Variants in DNAH11 observed in about 807,000 individuals in gnomAD.
DNAH11 encodes the protein dynein axonemal heavy chain 11.
DNAH11 carries 442 observed loss-of-function variants against 526.0 expected under a neutral mutation model. The ratio of observed to expected loss-of-function variants is 0.84; its 90% CI spans 0.78 to 0.91. The LOEUF (loss-of-function observed/expected upper bound fraction) is 0.91, where lower values mean the gene tolerates loss of function less well. DNAH11 is among the 40% of genes least tolerant of loss of function. DNAH11 has a pLI of 0.00. For synonymous variants in DNAH11, 2,461 were observed against 1,935.9 expected (o/e 1.27, Z -7.12); for missense variants, 6,989 against 5,448.7 (o/e 1.28, Z -8.90).
At position 21,671,095 on chromosome 7, in the gene DNAH11, G is replaced by A. The variant is rs577999762; in HGVS notation, c.5329-10451G>A. 8.5e-5 allele frequency among the ~76,000 whole-genome samples: 13 copies of A among 152,290 alleles called. No homozygotes were observed. In the South Asian group the frequency reaches 1.0e-3, roughly 12 times the overall value. On this transcript the variant is annotated intron_variant, in intron 30 of 81. Transcript: ENST00000409508. ...GCTTATGTTAGACATCACTGGTGAT[G>A]CATCTGGGCTTGAAGTTTTCTTTAT...
chr7:21,889,797 G>C (rs894502094), intron 76 of DNAH11, among the ~76,000 whole-genome samples: 1 of 152,286 alleles, frequency 6.6e-6, no homozygotes, highest in East Asian at 1.9e-4. Context: ...CCACTGTGTA[G>C]AGAGCTCTAC....
chr7:21,892,271 G>C (rs543096609), intron 76 of DNAH11, among the ~76,000 whole-genome samples, 154 bp from the exon 77 acceptor site: 37 of 152,286 alleles, frequency 2.4e-4, no homozygotes, highest in Middle Eastern at 3.4e-3. Context: ...TGCATATAGA[G>C]CAAAATTGTT....
rs372387032 is a variant in DNAH11, at chr7:21,591,238, G to T, written c.2328G>T (p.Thr776=). The part of the protein sequence containing the change: ...LVQGYNKLKQ[T]LLEVEYPLIE... ...AAGGGTATAATAAACTCAAACAGAC[G>T]CTCCTGGAAGTTGAATACCCTCTGA... The change falls in exon 14 of 82, where the codon ACG becomes ACT. Residue 776 remains threonine, a synonymous_variant. Transcript: ENST00000409508. 2.5e-6 allele frequency: 4 copies of T among 1,585,490 alleles called. No individual in the cohort carries two copies. Among genetic ancestry groups the T allele is most frequent in the South Asian group, 2.3e-5 (2 of 87,424 alleles).
chr7:21,696,975 G>T (rs975375503), intron 35 of DNAH11, among the ~76,000 whole-genome samples: 1 of 152,150 alleles, frequency 6.6e-6, no homozygotes, highest in Non-Finnish European at 1.5e-5. Context: ...ATCTTCTGGT[G>T]TCATGTGAAG....
chr7:21,739,583 G>T lies in DNAH11; in HGVS notation c.7824G>T (p.Gln2608His). The change falls in exon 48 of 82, where the codon CAG (glutamine) becomes CAT (histidine). Residue 2608 changes from glutamine (Q) to histidine (H), a missense_variant. Coordinates refer to ENST00000409508, the MANE Select transcript of DNAH11 (RefSeq NM_001277115.2). ...HIDYGHWYDR[Q>H]KVMLKEIHNC... ...TTCTGTCTTTCAGGTATGATAGACAGAAGGTGATGCTTAAAGAAATCCATA... is the reference window on the plus strand; with the variant it reads ...TTCTGTCTTTCAGGTATGATAGACATAAGGTGATGCTTAAAGAAATCCATA... The T allele has an allele frequency of 6.2e-7, 1 of 1,612,152 alleles. No individual in the cohort carries two copies.
chr7:21,773,525 T>C (rs1245622460), intron 55 of DNAH11, among the ~76,000 whole-genome samples: 1 of 152,148 alleles, frequency 6.6e-6, no homozygotes, highest in African/African-American at 2.4e-5. Context: ...GTATTTGGTA[T>C]GTGGAGCACA....
chr7:21,617,667 G>T lies in DNAH11; in HGVS notation c.4144G>T (p.Gly1382Cys). Residue 1382 changes from glycine (G) to cysteine (C), a missense_variant, in exon 23 of 82, where the codon GGC becomes TGC. By Grantham distance (159) the Gly-to-Cys change is radical. Transcript: ENST00000409508. ...AGTCCGCGTCTGGGATGCTTACACGGGCCTGGAAGGCACAGTTAAGGACAT... is the reference window on the plus strand; with the variant it reads ...AGTCCGCGTCTGGGATGCTTACACGTGCCTGGAAGGCACAGTTAAGGACAT... ...KEVRVWDAYT[G>C]LEGTVKDMTA... 6.2e-7 allele frequency: 1 copy of T among 1,613,836 alleles called. No homozygotes were observed. Among genetic ancestry groups the T allele is most frequent in the Non-Finnish European group, 8.5e-7 (1 of 1,179,826 alleles).
intron 48 of DNAH11, among the ~76,000 whole-genome samples, chr7:21,740,531 C>T (rs1006276264): frequency 6.6e-6 from 1 of 152,144 alleles, no homozygotes; most frequent in Admixed American, 6.6e-5. Context: ...AGGGTTCATC[C>T]AGTTACGGCA....
rs771002221 is a variant in DNAH11, at chr7:21,842,625, C to A, written c.10773C>A (p.His3591Gln). Residue 3591 changes from histidine to glutamine, a missense_variant, in exon 66 of 82, where the codon CAC becomes CAA. His to Gln is a conservative substitution (Grantham distance 24). Transcript: ENST00000409508. Reference protein sequence around the residue: ...LILHTKLANPHYKPELQAQTT... With the variant: ...LILHTKLANPQYKPELQAQTT... ...TTCACACAAAATTGGCAAATCCTCACTATAAGCCGGAATTACAAGCTCAGA... is the reference window on the plus strand; with the variant it reads ...TTCACACAAAATTGGCAAATCCTCAATATAAGCCGGAATTACAAGCTCAGA... 2.5e-6 allele frequency: 4 copies of A among 1,613,860 alleles called. No homozygotes were observed. Among genetic ancestry groups the A allele is most frequent in the Non-Finnish European group, 3.4e-6 (4 of 1,179,894 alleles).
intron 8 of DNAH11, among the ~76,000 whole-genome samples, chr7:21,574,602 C>T (rs1394708869): frequency 5.4e-5 from 7 of 130,588 alleles, no homozygotes; most frequent in African/African-American, 2.0e-4. Context: ...CTCACTCTGT[C>T]GCCCAGGCTG....
chr7:21,811,412 C>T (rs763452167), intron 63 of DNAH11, among the ~76,000 whole-genome samples: 2 of 151,342 alleles, frequency 1.3e-5, no homozygotes, highest in South Asian at 2.1e-4. Context: ...GCCGAGATCG[C>T]GCCACTGTAC....
At chr7:21,714,828 G>A (rs1463073331) in intron 42 of DNAH11, among the ~76,000 whole-genome samples, 1 of 152,104 alleles carries the variant, frequency 6.6e-6, no homozygotes, top group East Asian at 1.9e-4. Flanking sequence ...ATATATGAAA[G>A]TAAGTTGGAG....
rs183664357 is a variant in DNAH11, at chr7:21,854,834, C to T, written c.11202+379C>T. Among the ~76,000 whole-genome samples the T allele has an allele frequency of 4.9e-4, 74 of 152,192 alleles. 1 individual carries two copies. The highest frequency in any genetic ancestry group is 1.9e-3 in the Admixed American group (29 of 15,292). On this transcript the variant is annotated intron_variant, in intron 68 of 81. Transcript: ENST00000409508. ...CTGAGAGTACAGGCGTGAACCACCG[C>T]GCACAGCCAGAATGTATTTTTAAGC...
intron 25 of DNAH11, among the ~76,000 whole-genome samples, chr7:21,626,741 A>G (rs2128456612): frequency 8.2e-6 from 1 of 121,626 alleles, no homozygotes; most frequent in South Asian, 2.7e-4. Flanking sequence ...GGCCTTCTGT[A>G]TGTCTTTTTT....
chr7:21,642,862 C>A (rs774328720), intron 28 of DNAH11, among the ~76,000 whole-genome samples: 28 of 152,088 alleles, frequency 1.8e-4, no homozygotes, highest in Middle Eastern at 3.4e-3. Flanking sequence ...GTTTAAGATA[C>A]AAGAGTTGGA....
At chr7:21,777,240 G>A (rs1256997607) in intron 56 of DNAH11, among the ~76,000 whole-genome samples, 1 of 152,128 alleles carries the variant, frequency 6.6e-6, no homozygotes, top group Admixed American at 6.6e-5. Flanking sequence ...ATCCAACCGA[G>A]GTATTGGGTG....
rs1380570818 is a variant in DNAH11 at position 21,901,611 on chromosome 7, A to C, written c.*357A>C. 2.4e-5 allele frequency: 4 copies of C among 165,412 alleles called. No homozygotes were observed. The highest frequency in any genetic ancestry group is 9.5e-5 in the African/African-American group (4 of 41,930). The allele number at this position is 165,412 out of a possible 1,614,324, so 10.2% of individuals were successfully genotyped here. Reference sequence around the variant, plus strand: ...TCATAAAAGTACATCATATGTGAACATGCAAAAGCAATGCAGCCGGAAAGA... The same window carrying C: ...TCATAAAAGTACATCATATGTGAACCTGCAAAAGCAATGCAGCCGGAAAGA... On this transcript the variant is annotated 3_prime_UTR_variant, in exon 82 of 82. Coordinates refer to ENST00000409508, the MANE Select transcript of DNAH11 (RefSeq NM_001277115.2).
intron 54 of DNAH11, among the ~76,000 whole-genome samples, chr7:21,764,167 GA>G (rs1787061414): frequency 6.6e-6 from 1 of 152,136 alleles, no homozygotes; most frequent in African/African-American, 2.4e-5. Context: ...AAAAATGTAA[GA>G]GGGTAGATCT....
At chr7:21,810,118 A>G (rs542595950) in intron 63 of DNAH11, among the ~76,000 whole-genome samples, 3 of 152,252 alleles carry the variant, frequency 2.0e-5, no homozygotes, top group South Asian at 4.1e-4. Context: ...CTTAAAGTGT[A>G]GCATTTTATA....
Sources: gnomAD v4.1 joint callset for allele counts (sites outside exome capture counted in the v4.1 genomes callset) on GRCh38, gnomAD v4.1.1 for gene constraint, MANE v1.5 for transcripts, NCBI Gene and HGNC (gene_info 2026-07-23, HGNC 2026-07-21) for gene names.